The following RANBP17 variants were observed in gnomAD, a reference collection of about 807,000 sequenced individuals.
The protein encoded by RANBP17 is RAN binding protein 17, also known as ran-binding protein 17.
In RANBP17, 158 loss-of-function variants were observed where a neutral mutation model predicts 141.2. The observed-to-expected ratio is 1.12, with a 90% CI of 0.98 to 1.28. RANBP17 has a LOEUF of 1.28. Ranked by LOEUF, RANBP17 falls within the 50% of genes most tolerant of loss-of-function variation. The pLI is 0.00. For missense variants in RANBP17, 1,438 were observed against 1,290.7 expected, an observed-to-expected ratio of 1.11 and a Z score of -1.75; for synonymous variants, 430 against 450.0, an observed-to-expected ratio of 0.96 and a Z score of 0.56.
intron 5 of RANBP17, chr5:170,904,151 A>T (rs867761188): frequency 3.0e-6 from 1 of 333,252 alleles, no homozygotes; most frequent in East Asian, 7.3e-5. Flanking sequence ...CATCTCTACA[A>T]TTTGTCTCCT....
At chr5:171,026,303 G>A (rs1781226547) in intron 14 of RANBP17, among the ~76,000 whole-genome samples, 1 of 152,078 alleles carries the variant, frequency 6.6e-6, no homozygotes, top group Non-Finnish European at 1.5e-5. Flanking sequence ...TTTTATGTGG[G>A]GAAACAGGCT....
intron 14 of RANBP17, among the ~76,000 whole-genome samples, chr5:171,051,314 C>T (rs1046022756): frequency 7.2e-5 from 11 of 152,030 alleles, no homozygotes; most frequent in Non-Finnish European, 1.3e-4. Context: ...TTAGTGCATT[C>T]GCCACCTCTC....
chr5:171,246,650 A>G (rs922516065), intron 24 of RANBP17, among the ~76,000 whole-genome samples: 13 of 152,224 alleles, frequency 8.5e-5, no homozygotes, highest in Admixed American at 8.5e-4. Flanking sequence ...ATTTTGAATT[A>G]GTTTCAGTTA....
intron 14 of RANBP17, among the ~76,000 whole-genome samples, chr5:171,039,841 G>A (rs977103517): frequency 3.3e-5 from 5 of 151,972 alleles, no homozygotes; most frequent in Admixed American, 6.6e-5. Context: ...TTGAAGCCCC[G>A]AACAGACCAA....
intron 14 of RANBP17, among the ~76,000 whole-genome samples, chr5:170,980,978 A>G (rs1031257574): frequency 6.6e-6 from 1 of 152,164 alleles, no homozygotes; most frequent in Admixed American, 6.5e-5. Flanking sequence ...GCTACCCAAG[A>G]CCATGGGAAC....
intron 13 of RANBP17, among the ~76,000 whole-genome samples, chr5:170,955,126 A>C (rs2127499501): frequency 6.6e-6 from 1 of 151,922 alleles, no homozygotes; most frequent in African/African-American, 2.4e-5. Context: ...ACCACCCCAA[A>C]CCCCATCCAT....
At chr5:171,285,706 A>G (rs571568810) in intron 25 of RANBP17, among the ~76,000 whole-genome samples, 5 of 152,354 alleles carry the variant, frequency 3.3e-5, no homozygotes, top group African/African-American at 1.2e-4. Context: ...TTTCAAATGG[A>G]TAATGAAGAT....
rs527651191 is a variant in RANBP17, at chr5:171,036,982, A to G, written c.1710+68605A>G. The stretch of plus-strand genomic sequence containing the variant: ...TAATAGGATTGCTGGGCCAAATGGT[A>G]GTTCTATTTCAAGTTCTTTGAGAAA... On this transcript the variant is annotated intron_variant, in intron 14 of 27. Coordinates refer to ENST00000523189, the MANE Select transcript of RANBP17 (RefSeq NM_022897.5). Among the ~76,000 whole-genome samples, 3 of 152,220 alleles carry G rather than the reference A, an allele frequency of 2.0e-5. No individual in the cohort carries two copies. The South Asian group carries it at 6.2e-4, about 32-fold the overall frequency.
chr5:170,900,726 A>G (rs956985792), intron 5 of RANBP17, among the ~76,000 whole-genome samples: 2 of 152,066 alleles, frequency 1.3e-5, no homozygotes, highest in African/African-American at 4.8e-5. Context: ...TTTGTTCTCA[A>G]TGGATTTAGA....
chr5:171,178,044 A>G (rs542167271), intron 16 of RANBP17, among the ~76,000 whole-genome samples: 30 of 148,968 alleles, frequency 2.0e-4, no homozygotes, highest in African/African-American at 7.4e-4. Context: ...GTTATACTTT[A>G]AGTTCTGGGA....
At chr5:171,139,664 A>G (rs138944252) in intron 14 of RANBP17, among the ~76,000 whole-genome samples, 1,641 of 152,208 alleles carry the variant, frequency 0.011, 29 homozygotes, top group African/African-American at 0.037. Flanking sequence ...TCTCCTCTAT[A>G]GCCCAACTCC....
intron 9 of RANBP17, 123 bp downstream of exon 9, chr5:170,916,707 T>G: frequency 1.8e-6 from 1 of 565,232 alleles, no homozygotes; most frequent in Admixed American, 3.9e-5. Flanking sequence ...CATATATATC[T>G]TCCTTAGAGC....
chr5:170,893,173 TAA>T (rs1453113924), intron 4 of RANBP17, among the ~76,000 whole-genome samples: 3 of 151,890 alleles, frequency 2.0e-5, no homozygotes, highest in Non-Finnish European at 4.4e-5. Context: ...ATTTTTAACC[TAA>T]GTGATTAAAA....
At position 170,916,717 on chromosome 5, in the gene RANBP17, C is replaced by CT. The variant is rs5873244; in HGVS notation, c.954+149dup. On this transcript the variant is annotated intron_variant, in intron 9 of 27. Transcript: ENST00000523189. ...AGTATCATATATATCTTCCTTAGAG[C>CT]TTTTTTTTTTTTTTTTGAGATCAAG... is the stretch of plus-strand genomic sequence containing the variant. 3.3e-3 allele frequency: 847 copies of CT among 257,996 alleles called. 1 individual carries two copies. Among genetic ancestry groups the CT allele is most frequent in the African/African-American group, 0.01 (401 of 39,486 alleles). 16.0% of individuals were successfully genotyped at this position (257,996 alleles called of 1,614,324 possible).
intron 13 of RANBP17, among the ~76,000 whole-genome samples, chr5:170,967,358 A>G (rs1289678450): frequency 6.6e-6 from 1 of 152,124 alleles, no homozygotes; most frequent in Admixed American, 6.5e-5. Context: ...AGGCCTAGAC[A>G]GAGCTTCCTT....
intron 14 of RANBP17, among the ~76,000 whole-genome samples, chr5:171,115,565 T>C (rs578116075): frequency 6.6e-6 from 1 of 152,332 alleles, no homozygotes; most frequent in South Asian, 2.1e-4. Flanking sequence ...TATCCAAATA[T>C]TACAGTGGAT....
At chr5:170,990,645 A>G (rs1224233296) in intron 14 of RANBP17, among the ~76,000 whole-genome samples, 1 of 152,014 alleles carries the variant, frequency 6.6e-6, no homozygotes, top group Non-Finnish European at 1.5e-5. Flanking sequence ...CAGGTGGTGG[A>G]AATTAGCAGG....
chr5:171,031,220 A>G (rs1310850399), intron 14 of RANBP17, among the ~76,000 whole-genome samples: 1 of 152,044 alleles, frequency 6.6e-6, no homozygotes, highest in Admixed American at 6.6e-5. Flanking sequence ...ATTCTATACC[A>G]GTTAATGCAT....
At chr5:171,010,134 G>A (rs1373030829) in intron 14 of RANBP17, among the ~76,000 whole-genome samples, 3 of 152,144 alleles carry the variant, frequency 2.0e-5, no homozygotes, top group Admixed American at 6.5e-5. Flanking sequence ...ACAACCATGC[G>A]GGACAAGATT....
Sources: gnomAD v4.1 joint callset for allele counts (sites outside exome capture counted in the v4.1 genomes callset) on GRCh38, gnomAD v4.1.1 for gene constraint, MANE v1.5 for transcripts, NCBI Gene and HGNC (gene_info 2026-07-23, HGNC 2026-07-21) for gene names.